The following FBXO36 variants were observed in gnomAD, a reference collection of about 807,000 sequenced individuals.
The protein encoded by FBXO36 is F-box protein 36.
FBXO36 carries 18 observed loss-of-function variants against 17.0 expected under a neutral mutation model. The ratio of observed to expected loss-of-function variants is 1.06; its 90% CI spans 0.73 to 1.57. The LOEUF is 1.57. FBXO36 is among the 40% of genes most tolerant of loss of function. FBXO36 has a pLI of 0.00. For synonymous variants in FBXO36, 83 were observed against 85.3 expected, an observed-to-expected ratio of 0.97 and a Z score of 0.15; for missense variants, 229 against 221.9, an observed-to-expected ratio of 1.03 and a Z score of -0.20.
intron 1 of FBXO36, among the ~76,000 whole-genome samples, chr2:229,928,321 G>A (rs2076923038): frequency 6.6e-6 from 1 of 152,162 alleles, no homozygotes; most frequent in African/African-American, 2.4e-5. Flanking sequence ...TTTTAAAAAA[G>A]TGTTTTAAAT....
intron 1 of FBXO36, among the ~76,000 whole-genome samples, chr2:229,972,845 C>T (rs1053842840): frequency 8.6e-5 from 13 of 151,996 alleles, no homozygotes; most frequent in Admixed American, 6.6e-4. Context: ...GGGAGGATCA[C>T]GAGGTCAGCA....
intron 1 of FBXO36, among the ~76,000 whole-genome samples, chr2:229,924,782 T>C (rs902896807): frequency 3.3e-5 from 5 of 151,986 alleles, no homozygotes; most frequent in Non-Finnish European, 5.9e-5. Context: ...TTTTTTTTTT[T>C]CTTTGAGGCA....
Position 230,006,545 on chromosome 2 carries a change from G to A in FBXO36, c.379-4151G>A, listed in dbSNP as rs187564416. ...TCTGTGCAGTCAGTATGTAATTACT[G>A]AGCCCCTGCTGTGGGCCGGACACAG... On this transcript the variant is annotated intron_variant, in intron 3 of 3. Coordinates refer to ENST00000283946, the MANE Select transcript of FBXO36 (RefSeq NM_174899.5). Among the ~76,000 whole-genome samples, 622 of 152,274 alleles carry A rather than the reference G, an allele frequency of 4.1e-3. 7 individuals carry two copies. Among genetic ancestry groups the A allele is most frequent in the African/African-American group, 0.013 (548 of 41,546 alleles).
intron 3 of FBXO36, among the ~76,000 whole-genome samples, chr2:230,001,533 C>T (rs1339292017): frequency 6.6e-6 from 1 of 152,186 alleles, no homozygotes; most frequent in Admixed American, 6.5e-5. Context: ...GGTGATCCAC[C>T]TGCCTCGGCC....
At chr2:229,962,339 CT>C (rs1049857971) in intron 1 of FBXO36, among the ~76,000 whole-genome samples, 2 of 149,988 alleles carry the variant, frequency 1.3e-5, no homozygotes, top group African/African-American at 2.4e-5. Context: ...ATCTTTTTTT[CT>C]TTTTTTTGAA....
At chr2:229,946,152 A>G (rs1048592307) in intron 1 of FBXO36, among the ~76,000 whole-genome samples, 13 of 152,196 alleles carry the variant, frequency 8.5e-5, no homozygotes, top group African/African-American at 2.9e-4. Context: ...ACCTGAGACC[A>G]TAGGACTGTA....
intron 2 of FBXO36, among the ~76,000 whole-genome samples, chr2:229,986,192 A>T (rs570564047): frequency 1.3e-5 from 2 of 152,346 alleles, no homozygotes; most frequent in South Asian, 4.1e-4. Flanking sequence ...TACATACAAG[A>T]ATATGTTATA....
intron 2 of FBXO36, among the ~76,000 whole-genome samples, chr2:229,994,687 C>A (rs532633627): frequency 2.6e-5 from 4 of 152,296 alleles, no homozygotes; most frequent in African/African-American, 9.6e-5. Flanking sequence ...TTCTAAGAGC[C>A]ATTTTTGGGA....
At chr2:229,928,341 T>G (rs2106152188) in intron 1 of FBXO36, among the ~76,000 whole-genome samples, 1 of 152,334 alleles carries the variant, frequency 6.6e-6, no homozygotes, top group African/African-American at 2.4e-5. Context: ...TAAATGTTAG[T>G]GAGGTTTTAA....
intron 1 of FBXO36, among the ~76,000 whole-genome samples, chr2:229,955,359 A>G (rs931553856): frequency 2.6e-5 from 4 of 152,026 alleles, no homozygotes; most frequent in African/African-American, 9.7e-5. Flanking sequence ...CCCTATCTCT[A>G]TAAAAAATTA....
At position 229,976,553 on chromosome 2, in the gene FBXO36, G is replaced by A. The variant is rs528097913; in HGVS notation, c.205+204G>A. 7.3e-5 allele frequency: 32 copies of A among 436,738 alleles called. No homozygotes were observed. The East Asian group carries it at 1.3e-3, about 17-fold the overall frequency. The allele number at this position is 436,738 out of a possible 1,614,324, so 27.1% of individuals were successfully genotyped here. On this transcript the variant is annotated intron_variant, in intron 2 of 3. Coordinates refer to ENST00000283946, the MANE Select transcript of FBXO36 (RefSeq NM_174899.5). The stretch of plus-strand genomic sequence containing the variant: ...TATTAGCATTTGGCCGGGCGCGGTC[G>A]CTCATGCCTGTAATCCCAACACTTT...
intron 1 of FBXO36, among the ~76,000 whole-genome samples, chr2:229,931,172 A>G (rs1390930449): frequency 6.6e-6 from 1 of 152,212 alleles, no homozygotes; most frequent in African/African-American, 2.4e-5. Context: ...AAACTCTTAA[A>G]AATAACAGTA....
rs189549626 is a variant in FBXO36, at chr2:229,941,348, G to A, written c.96+18739G>A. 1.3e-4 allele frequency among the ~76,000 whole-genome samples: 20 copies of A among 152,128 alleles called. No homozygotes were observed. In the East Asian group the frequency reaches 3.1e-3, roughly 24 times the overall value. On this transcript the variant is annotated intron_variant, in intron 1 of 3. Coordinates refer to ENST00000283946, the MANE Select transcript of FBXO36 (RefSeq NM_174899.5). ...CACACGCCTGTAGTCCCAGGTACTC[G>A]GGAGGCTGAGGCAGGAGAATTGCTT...
chr2:229,934,411 TAAATA>T (rs1418846301), intron 1 of FBXO36, among the ~76,000 whole-genome samples: 1 of 151,978 alleles, frequency 6.6e-6, no homozygotes. Flanking sequence ...AAAATATAAA[TAAATA>T]AATAAAATAA....
chr2:229,929,470 G>A lies in FBXO36; in HGVS notation c.96+6861G>A, dbSNP rs2076928119. 2.6e-5 allele frequency among the ~76,000 whole-genome samples: 4 copies of A among 152,088 alleles called. No individual in the cohort carries two copies. The South Asian group carries it at 8.3e-4, about 31-fold the overall frequency. On this transcript the variant is annotated intron_variant, in intron 1 of 3. Transcript: ENST00000283946. ...AGTCCCAGCTACTGGGGAGGCTGAG[G>A]CAGGAGAATGGCTTGAACCTGGGAG... is the stretch of plus-strand genomic sequence containing the variant.
intron 2 of FBXO36, among the ~76,000 whole-genome samples, chr2:229,980,475 A>G (rs1437115516): frequency 6.6e-6 from 1 of 152,016 alleles, no homozygotes; most frequent in African/African-American, 2.4e-5. Flanking sequence ...AAAAACCTGG[A>G]GATGGGGATT....
intron 1 of FBXO36, among the ~76,000 whole-genome samples, chr2:229,945,605 C>T (rs2077022892): frequency 6.6e-6 from 1 of 152,066 alleles, no homozygotes; most frequent in Admixed American, 6.6e-5. Flanking sequence ...CACACCTGAC[C>T]TAAATCATGA....
intron 3 of FBXO36, among the ~76,000 whole-genome samples, chr2:230,003,853 T>A (rs1210318837): frequency 6.6e-6 from 1 of 152,178 alleles, no homozygotes; most frequent in East Asian, 1.9e-4. Flanking sequence ...GCTTCTTGAC[T>A]CATCTCTGCT....
chr2:229,924,188 G>T (rs1421392381), intron 1 of FBXO36, among the ~76,000 whole-genome samples: 2 of 152,156 alleles, frequency 1.3e-5, no homozygotes. Flanking sequence ...CATCTCCTGG[G>T]TTCAAGCGAT....
Sources: allele counts gnomAD v4.1 joint callset (sites outside exome capture counted in the v4.1 genomes callset), GRCh38; gene constraint gnomAD v4.1.1; transcripts MANE v1.5; gene names NCBI Gene and HGNC (gene_info 2026-07-23, HGNC 2026-07-21).